Variants in PCDH11X observed in about 807,000 individuals in gnomAD.
The protein encoded by PCDH11X is protocadherin 11 X-linked.
Under a neutral mutation model 53.3 loss-of-function variants are expected in PCDH11X, and 18 were observed. That is an observed-to-expected ratio of 0.34 (90% CI 0.23 to 0.50). The LOEUF is 0.50. Ranked by LOEUF, PCDH11X falls within the 20% of genes least tolerant of loss-of-function variation. The pLI, the probability that PCDH11X is intolerant of heterozygous loss-of-function variation, is 0.98. For missense variants in PCDH11X, 570 were observed against 1,032.4 expected (o/e 0.55, Z 6.14); for synonymous variants, 279 against 393.3 (o/e 0.71, Z 3.44).
At chrX:92,462,288 CT>C (rs1040504033) in intron 9 of PCDH11X, among the ~76,000 whole-genome samples, 4 of 110,537 alleles carry the variant, frequency 3.6e-5, no homozygotes, top group Non-Finnish European at 7.6e-5. Context: ...AAACTTAAGT[CT>C]TTTAGCAATG....
chrX:92,486,692 T>G (rs940369502), intron 10 of PCDH11X, among the ~76,000 whole-genome samples: 7 of 111,316 alleles, frequency 6.3e-5, no homozygotes, highest in African/African-American at 2.3e-4. Context: ...TTCCATATAT[T>G]TCCAGGAGAG....
intron 6 of PCDH11X, among the ~76,000 whole-genome samples, chrX:92,137,306 G>A: frequency 9.0e-6 from 1 of 111,050 alleles, no homozygotes; most frequent in East Asian, 2.9e-4. Context: ...TAGTCTTTTT[G>A]TCCCTTAAAA....
intron 6 of PCDH11X, among the ~76,000 whole-genome samples, chrX:91,924,739 T>G (rs1317471350): frequency 9.0e-6 from 1 of 111,357 alleles, no homozygotes; most frequent in Non-Finnish European, 1.9e-5. Context: ...TTATAGGGAA[T>G]AAGAAATTGA....
Position 92,519,123 on chromosome X carries a change from A to G in PCDH11X, c.3367+50801A>G, listed in dbSNP as rs1369782097. Among the ~76,000 whole-genome samples, 7 of 110,231 alleles carry G rather than the reference A, an allele frequency of 6.4e-5. No individual in the cohort carries two copies. The East Asian group carries it at 2.0e-3, about 32-fold the overall frequency. On this transcript the variant is annotated intron_variant, in intron 10 of 10. Coordinates refer to ENST00000682573, the MANE Select transcript of PCDH11X (RefSeq NM_032968.5). Reference sequence around the variant, plus strand: ...CTTCATTTGCAAAATGAGGACCATAATGCTTCATAAAACTTCATTTGTTGT... The same window carrying G: ...CTTCATTTGCAAAATGAGGACCATAGTGCTTCATAAAACTTCATTTGTTGT...
chrX:91,802,508 A>G (rs1253578226), intron 1 of PCDH11X, among the ~76,000 whole-genome samples: 1 of 111,304 alleles, frequency 9.0e-6, no homozygotes, highest in African/African-American at 3.3e-5. Context: ...GAAGGCCCAC[A>G]CATTCTGATA....
At chrX:92,595,976 C>T (rs1201380112) in intron 10 of PCDH11X, among the ~76,000 whole-genome samples, 3 of 109,702 alleles carry the variant, frequency 2.7e-5, no homozygotes, top group Non-Finnish European at 5.7e-5. Flanking sequence ...AGAGGTCTAG[C>T]CAATCTGAAG....
At chrX:92,578,743 A>G (rs1923276520) in intron 10 of PCDH11X, among the ~76,000 whole-genome samples, 2 of 108,036 alleles carry the variant, frequency 1.9e-5, no homozygotes, top group South Asian at 8.4e-4. Context: ...TAGCCCATTT[A>G]CATTTAAGTT....
intron 10 of PCDH11X, among the ~76,000 whole-genome samples, chrX:92,565,095 A>AT (rs762072014): frequency 6.3e-5 from 7 of 110,647 alleles, no homozygotes; most frequent in African/African-American, 1.3e-4. Flanking sequence ...AGTTAAAATA[A>AT]TTTTTTTTAA....
At position 92,366,280 on chromosome X, in the gene PCDH11X, G is replaced by A. The variant is rs142065361; in HGVS notation, c.3145-21455G>A. Reference sequence around the variant, plus strand: ...TTTTCTGGTTTATTTGCACAGACATGTTTATAGTATTCTCTGATGGTAGTT... The same window carrying A: ...TTTTCTGGTTTATTTGCACAGACATATTTATAGTATTCTCTGATGGTAGTT... On this transcript the variant is annotated intron_variant, in intron 8 of 10. Coordinates refer to ENST00000682573, the MANE Select transcript of PCDH11X (RefSeq NM_032968.5). Among the ~76,000 whole-genome samples, 317 of 111,169 alleles carry A rather than the reference G, an allele frequency of 2.9e-3. 6 individuals are homozygous for A. In the East Asian group the frequency reaches 0.053, roughly 19 times the overall value.
chrX:92,025,973 A>G (rs1047199860), intron 6 of PCDH11X, among the ~76,000 whole-genome samples: 3 of 111,040 alleles, frequency 2.7e-5, no homozygotes, highest in African/African-American at 9.8e-5. Flanking sequence ...GCGTGTTCTC[A>G]CCTGTAAGTG....
chrX:92,225,799 T>G lies in PCDH11X; in HGVS notation c.3114+24344T>G, dbSNP rs143529257. Among the ~76,000 whole-genome samples, 828 of 112,026 alleles carry G rather than the reference T, an allele frequency of 7.4e-3. 8 individuals carry two copies. Among genetic ancestry groups the G allele is most frequent in the African/African-American group, 0.026 (790 of 30,936 alleles). On this transcript the variant is annotated intron_variant, in intron 7 of 10. Coordinates refer to ENST00000682573, the MANE Select transcript of PCDH11X (RefSeq NM_032968.5). The stretch of plus-strand genomic sequence containing the variant: ...TAGAAACCAGATCTCCTGGTTTATG[T>G]GAGAATTTCTTTTGTATATTTTTCT...
intron 10 of PCDH11X, among the ~76,000 whole-genome samples, chrX:92,599,259 T>C (rs1338913009): frequency 4.5e-5 from 5 of 111,716 alleles, no homozygotes; most frequent in African/African-American, 9.8e-5. Flanking sequence ...TTTCATGGTG[T>C]GATTGTTACA....
intron 10 of PCDH11X, among the ~76,000 whole-genome samples, chrX:92,511,466 T>C (rs948387672): frequency 8.9e-6 from 1 of 112,149 alleles, no homozygotes; most frequent in Admixed American, 9.5e-5. Context: ...TTAGCCTAAT[T>C]TGTTTCAACT....
At chrX:92,368,191 C>T (rs1569475263) in intron 8 of PCDH11X, among the ~76,000 whole-genome samples, 1 of 106,250 alleles carries the variant, frequency 9.4e-6, no homozygotes, top group Admixed American at 1.0e-4. Context: ...TTTGTTTGTT[C>T]CTTTTCATTC....
At chrX:91,791,925 A>C (rs1194432716) in intron 1 of PCDH11X, among the ~76,000 whole-genome samples, 18 of 101,727 alleles carry the variant, frequency 1.8e-4, no homozygotes, top group African/African-American at 6.6e-4. Flanking sequence ...GCAGTGGCGC[A>C]ATCTCGGCTC....
intron 6 of PCDH11X, among the ~76,000 whole-genome samples, chrX:92,077,429 T>C (rs1411837190): frequency 9.2e-6 from 1 of 108,819 alleles, no homozygotes; most frequent in Non-Finnish European, 1.9e-5. Context: ...TGAACTTCAG[T>C]TTGCTTTAAT....
chrX:92,579,378 A>G (rs1923377653), intron 10 of PCDH11X, among the ~76,000 whole-genome samples: 1 of 108,049 alleles, frequency 9.3e-6, no homozygotes, highest in South Asian at 4.1e-4. Flanking sequence ...TCTTTCAGGC[A>G]CCCCAATCAG....
chrX:92,206,779 G>C (rs971856707), intron 7 of PCDH11X, among the ~76,000 whole-genome samples: 1 of 110,565 alleles, frequency 9.0e-6, no homozygotes, highest in East Asian at 2.9e-4. Flanking sequence ...CATCTGCCTC[G>C]GCCTCCTAAA....
chrX:91,828,667 G>A (rs2524424), intron 4 of PCDH11X, among the ~76,000 whole-genome samples: 1 of 111,476 alleles, frequency 9.0e-6, no homozygotes, highest in South Asian at 3.8e-4. Flanking sequence ...AAACCAAGTC[G>A]TAAGATTGGT....
Sources: allele counts gnomAD v4.1 joint callset (sites outside exome capture counted in the v4.1 genomes callset), GRCh38; gene constraint gnomAD v4.1.1; transcripts MANE v1.5; gene names NCBI Gene and HGNC (gene_info 2026-07-23, HGNC 2026-07-21).